The following AFG1L variants were observed in gnomAD, a reference collection of about 807,000 sequenced individuals.
AFG1L encodes the protein AFG1 like ATPase.
Under a neutral mutation model 62.2 loss-of-function variants are expected in AFG1L, and 53 were observed. That is an observed-to-expected ratio of 0.85 (90% CI 0.68 to 1.07). The LOEUF (loss-of-function observed/expected upper bound fraction) is 1.07. Among genes scored for constraint, AFG1L ranks in the 50% least tolerant of loss-of-function variants. The pLI, the probability that AFG1L is intolerant of heterozygous loss-of-function variation, is 0.00. For synonymous variants in AFG1L, 228 were observed against 210.3 expected (o/e 1.08, Z -0.73); for missense variants, 555 against 590.5 (o/e 0.94, Z 0.62).
rs756843330 is a variant in AFG1L at position 108,477,190 on chromosome 6, A to G, written c.962-2A>G. The stretch of plus-strand genomic sequence containing the variant: ...ATTGAGTCTTTGTTCATGTTCCCAT[A>G]GTAACTAGACCAAGGATTCTAAAAG... On this transcript the variant is annotated splice_acceptor_variant, in intron 9 of 12. Coordinates refer to ENST00000368977, the MANE Select transcript of AFG1L (RefSeq NM_145315.5). LOFTEE classifies it high-confidence loss of function. The G allele has an allele frequency of 1.0e-5, 16 of 1,577,604 alleles. No homozygotes were observed. In the African/African-American group the frequency reaches 1.4e-4, roughly 13 times the overall value.
At position 108,402,015 on chromosome 6, in the gene AFG1L, C is replaced by T. The variant is rs759672152; in HGVS notation, c.768C>T (p.Leu256=). 6.6e-7 allele frequency: 1 copy of T among 1,513,234 alleles called. No homozygotes were observed. 93.7% of individuals were successfully genotyped at this position (1,513,234 alleles called of 1,614,324 possible). A position where few individuals can be genotyped will look rare whatever the true frequency, so the allele number is the denominator to read the frequency against. Reference sequence around the variant, plus strand: ...TTTCAGATCTCTATAAAAATGGACTCCAAAGAGCTAACTTTGTACCATTCA... The same window carrying T: ...TTTCAGATCTCTATAAAAATGGACTTCAAAGAGCTAACTTTGTACCATTCA... ...RPPEDLYKNG[L]QRANFVPFIA... The change falls in exon 7 of 13, where the codon CTC becomes CTT. Residue 256 remains leucine, a synonymous_variant. Coordinates refer to ENST00000368977, the MANE Select transcript of AFG1L (RefSeq NM_145315.5).
chr6:108,371,374 T>A (rs1779996746), intron 6 of AFG1L, among the ~76,000 whole-genome samples: 1 of 151,998 alleles, frequency 6.6e-6, no homozygotes, highest in African/African-American at 2.4e-5. Flanking sequence ...CGCAGGAGTT[T>A]GAGACTAGCC....
intron 3 of AFG1L, among the ~76,000 whole-genome samples, chr6:108,348,504 A>G (rs1240609437): frequency 6.6e-6 from 1 of 152,254 alleles, no homozygotes; most frequent in Non-Finnish European, 1.5e-5. Flanking sequence ...AGCTAATCTA[A>G]TAAGAGAGAA....
chr6:108,444,193 C>G (rs1434430234), intron 7 of AFG1L, among the ~76,000 whole-genome samples: 1 of 152,036 alleles, frequency 6.6e-6, no homozygotes, highest in African/African-American at 2.4e-5. Context: ...TTGCAGGAAG[C>G]TTTTGGTTTC....
intron 8 of AFG1L, among the ~76,000 whole-genome samples, chr6:108,472,613 A>G (rs1393904132): frequency 2.0e-5 from 3 of 151,330 alleles, no homozygotes; most frequent in Non-Finnish European, 4.4e-5. Flanking sequence ...TTATTATTTT[A>G]CTTTGCATTT....
intron 8 of AFG1L, among the ~76,000 whole-genome samples, chr6:108,469,980 A>G (rs1772820682): frequency 6.6e-6 from 1 of 152,206 alleles, no homozygotes; most frequent in Non-Finnish European, 1.5e-5. Flanking sequence ...TTTTCAAACA[A>G]ATACCCGTTT....
intron 7 of AFG1L, among the ~76,000 whole-genome samples, chr6:108,441,712 A>AATATATAT (rs1554198358): frequency 1.6e-4 from 22 of 139,496 alleles, no homozygotes; most frequent in African/African-American, 4.8e-4. Flanking sequence ...AAAAAAAAAA[A>AATATATAT]ATATATATAT....
At chr6:108,361,302 A>G (rs1338188963) in intron 5 of AFG1L, among the ~76,000 whole-genome samples, 1 of 152,154 alleles carries the variant, frequency 6.6e-6, no homozygotes, top group Admixed American at 6.6e-5. Context: ...GGTTCTTCAG[A>G]TGGAAGGTGC....
At chr6:108,332,509 T>C (rs1778312168) in intron 2 of AFG1L, among the ~76,000 whole-genome samples, 1 of 152,196 alleles carries the variant, frequency 6.6e-6, no homozygotes, top group South Asian at 2.1e-4. Context: ...TAAAGTAAAA[T>C]TAGGTACTTA....
intron 1 of AFG1L, among the ~76,000 whole-genome samples, chr6:108,304,851 A>C (rs1204012750): frequency 1.3e-5 from 2 of 152,254 alleles, no homozygotes; most frequent in Non-Finnish European, 2.9e-5. Context: ...GGAATGGTGA[A>C]CATATGGGAT....
rs536480614 is a variant in AFG1L, at chr6:108,425,898, C to A, written c.808-21316C>A. On this transcript the variant is annotated intron_variant, in intron 7 of 12. Transcript: ENST00000368977. ...ATAGCTTAAAATTTACTCTTCAGATCTTTTATCAGCGATAACAATTGACTA... is the reference window on the plus strand; with the variant it reads ...ATAGCTTAAAATTTACTCTTCAGATATTTTATCAGCGATAACAATTGACTA... Among the ~76,000 whole-genome samples, 6 of 152,178 alleles carry A rather than the reference C, an allele frequency of 3.9e-5. No homozygotes were observed. The East Asian group carries it at 1.2e-3, about 29-fold the overall frequency.
intron 7 of AFG1L, among the ~76,000 whole-genome samples, chr6:108,433,318 C>T (rs1163007931): frequency 2.0e-5 from 3 of 151,874 alleles, no homozygotes; most frequent in Non-Finnish European, 2.9e-5. Context: ...CTTGCTCAGT[C>T]GCCCAGGCTG....
intron 7 of AFG1L, among the ~76,000 whole-genome samples, chr6:108,446,600 G>A (rs1363662003): frequency 6.6e-6 from 1 of 151,204 alleles, no homozygotes; most frequent in African/African-American, 2.4e-5. Context: ...CACCTCCCAG[G>A]CTCAAGCAAT....
chr6:108,385,433 A>T (rs768794020), intron 6 of AFG1L, among the ~76,000 whole-genome samples: 6 of 152,250 alleles, frequency 3.9e-5, no homozygotes, highest in Non-Finnish European at 5.9e-5. Context: ...CTTGCTGCAG[A>T]TAACTAGCCA....
intron 7 of AFG1L, among the ~76,000 whole-genome samples, chr6:108,403,810 A>G (rs192132054): frequency 1.8e-4 from 27 of 151,380 alleles, no homozygotes; most frequent in African/African-American, 6.3e-4. Flanking sequence ...TCCTCCAAAT[A>G]TTTTGTTGTT....
At chr6:108,424,440 A>C (rs993590252) in intron 7 of AFG1L, among the ~76,000 whole-genome samples, 3 of 152,054 alleles carry the variant, frequency 2.0e-5, no homozygotes, top group African/African-American at 7.2e-5. Context: ...ACTCTTGTAA[A>C]ATGAAGTAGA....
chr6:108,481,731 A>G (rs762883271), intron 10 of AFG1L, among the ~76,000 whole-genome samples: 4 of 152,240 alleles, frequency 2.6e-5, no homozygotes, highest in African/African-American at 7.2e-5. Context: ...AGTACACGTA[A>G]TAAAACACTT....
At chr6:108,522,164 A>G in intron 12 of AFG1L, 133 bp from the exon 13 acceptor site, 1 of 674,212 alleles carries the variant, frequency 1.5e-6, no homozygotes, top group South Asian at 2.0e-5. Flanking sequence ...GAGATTGTAT[A>G]TGGAAAAAAA....
At position 108,470,898 on chromosome 6, in the gene AFG1L, C is replaced by G. The variant is rs912924773; in HGVS notation, c.891-5967C>G. Among the ~76,000 whole-genome samples, 23 of 152,188 alleles carry G rather than the reference C, an allele frequency of 1.5e-4. 1 individual carries two copies. The highest frequency in any genetic ancestry group is 5.6e-4 in the African/African-American group (23 of 41,440). On this transcript the variant is annotated intron_variant, in intron 8 of 12. Coordinates refer to ENST00000368977, the MANE Select transcript of AFG1L (RefSeq NM_145315.5). ...ATCGACAGGAACATGAACAAGAACTCATTCACATGTTAGGAGGGTGGCACA... is the reference window on the plus strand; with the variant it reads ...ATCGACAGGAACATGAACAAGAACTGATTCACATGTTAGGAGGGTGGCACA...
Sources: allele counts gnomAD v4.1 joint callset (sites outside exome capture counted in the v4.1 genomes callset), GRCh38; gene constraint gnomAD v4.1.1; transcripts MANE v1.5; gene names NCBI Gene and HGNC (gene_info 2026-07-23, HGNC 2026-07-21).